The following PRXL2A variants were observed in gnomAD, a reference collection of about 807,000 sequenced individuals.
PRXL2A encodes peroxiredoxin like 2A.
PRXL2A carries 26 observed loss-of-function variants against 25.6 expected under a neutral mutation model. That is an observed-to-expected ratio of 1.02 (90% CI 0.74 to 1.41). The LOEUF (loss-of-function observed/expected upper bound fraction) is 1.41, where lower values mean the gene tolerates loss of function less well. Ranked by LOEUF, PRXL2A falls within the 40% of genes most tolerant of loss-of-function variation. The pLI is 0.00. For missense variants in PRXL2A, 246 were observed against 273.9 expected (o/e 0.90, Z 0.72); for synonymous variants, 98 against 102.9 (o/e 0.95, Z 0.29).
rs1361727483 is a variant in PRXL2A at position 80,432,000 on chromosome 10, G to T, written c.591G>T (p.Glu197Asp). The T allele has an allele frequency of 6.2e-7, 1 of 1,609,978 alleles. No individual in the cohort carries two copies. The highest frequency in any genetic ancestry group is 1.7e-5 in the Admixed American group (1 of 58,804). ...VGSGKQGILL[E>D]HREKEFGDKV... ...TTTCCTTTTAGGGCATTCTTCTTGA[G>T]CACCGAGAAAAAGAATTTGGAGACA... Residue 197 changes from glutamate to aspartate, a missense_variant, in exon 6 of 6, where the codon GAG (glutamate) becomes GAT (aspartate). Coordinates refer to ENST00000606162, the MANE Select transcript of PRXL2A (RefSeq NM_032333.5).
At chr10:80,413,733 TG>T in intron 1 of PRXL2A, 1 of 507,694 alleles carries the variant, frequency 2.0e-6, no homozygotes, top group Non-Finnish European at 2.6e-6. Flanking sequence ...GGTTTCTGGG[TG>T]GCCTGGTCCT....
chr10:80,415,565 CT>C (rs1222265783), intron 1 of PRXL2A, among the ~76,000 whole-genome samples: 1 of 152,248 alleles, frequency 6.6e-6, no homozygotes, highest in Non-Finnish European at 1.5e-5. Context: ...GCTGTTATTC[CT>C]GCACCACCAT....
intron 5 of PRXL2A, among the ~76,000 whole-genome samples, chr10:80,430,028 T>TA (rs1845194076): frequency 6.6e-6 from 1 of 152,120 alleles, no homozygotes; most frequent in Non-Finnish European, 1.5e-5. Context: ...CTTCAGGACT[T>TA]ACTTCAGTTC....
At chr10:80,427,643 A>G in intron 5 of PRXL2A, 147 bp downstream of exon 5, 1 of 725,956 alleles carries the variant, frequency 1.4e-6, no homozygotes, top group Non-Finnish European at 2.3e-6. Flanking sequence ...GAAGAAGGGA[A>G]GGGAAGGCAG....
chr10:80,409,050 C>T (rs1844368309), intron 1 of PRXL2A: 1 of 985,438 alleles, frequency 1.0e-6, no homozygotes, highest in Non-Finnish European at 1.2e-6. Context: ...CGGGGGCCGC[C>T]CTGCTGGACC....
intron 4 of PRXL2A, among the ~76,000 whole-genome samples, chr10:80,426,386 C>G (rs1845043820): frequency 6.6e-6 from 1 of 152,174 alleles, no homozygotes; most frequent in South Asian, 2.1e-4. Flanking sequence ...GATTGTGTTA[C>G]ATGATTTTAT....
At chr10:80,424,006 T>C (rs1301152018) in intron 3 of PRXL2A, among the ~76,000 whole-genome samples, 1 of 152,188 alleles carries the variant, frequency 6.6e-6, no homozygotes, top group Non-Finnish European at 1.5e-5. Context: ...AGCAACAGCA[T>C]GGAAGCCTGT....
At position 80,408,807 on chromosome 10, in the gene PRXL2A, A is replaced by T. The variant is rs139941129; in HGVS notation, c.-3+164A>T. Reference sequence around the variant, plus strand: ...CGCCAACTTTCTTAGGAGCCGCCGCAGCGCTGGCGCTCCCTCCGAGGACGA... The same window carrying T: ...CGCCAACTTTCTTAGGAGCCGCCGCTGCGCTGGCGCTCCCTCCGAGGACGA... On this transcript the variant is annotated intron_variant, in intron 1 of 5. Coordinates refer to ENST00000606162, the MANE Select transcript of PRXL2A (RefSeq NM_032333.5). 9.5e-3 allele frequency among the ~76,000 whole-genome samples: 1,447 copies of T among 152,240 alleles called. 29 individuals carry two copies. The highest frequency in any genetic ancestry group is 0.033 in the African/African-American group (1,375 of 41,550).
chr10:80,419,259 C>T (rs1844773026), intron 1 of PRXL2A, among the ~76,000 whole-genome samples: 1 of 151,592 alleles, frequency 6.6e-6, no homozygotes, highest in African/African-American at 2.4e-5. Flanking sequence ...GCTGGGATTA[C>T]AGGCATGACC....
At chr10:80,430,204 C>T (rs1317847537) in intron 5 of PRXL2A, among the ~76,000 whole-genome samples, 16 of 148,392 alleles carry the variant, frequency 1.1e-4, no homozygotes, top group African/African-American at 3.5e-4. Flanking sequence ...CGGGTTCAAG[C>T]GATTCTCCTG....
chr10:80,409,452 A>T (rs1413213150), intron 1 of PRXL2A, among the ~76,000 whole-genome samples: 3 of 152,200 alleles, frequency 2.0e-5, no homozygotes, highest in Non-Finnish European at 4.4e-5. Flanking sequence ...TCCTTGCCAC[A>T]TCATGCTGTC....
In PRXL2A at chr10:80,427,396, G is replaced by A. The variant is rs369356554; in HGVS notation, c.476G>A (p.Trp159Ter). ...MFMGFIRLGV[W>*]YNFFRAWNGG... is the part of the protein sequence containing the mutation. ...ATGGGATTTATCCGTCTGGGAGTGT[G>A]GTACAACTTCTTCCGAGCCTGGAAC... is the stretch of plus-strand genomic sequence containing the variant. The change falls in exon 5 of 6, where the codon TGG becomes TAG. Residue 159 changes from tryptophan to a stop codon, truncating the protein, a stop_gained. Coordinates refer to ENST00000606162, the MANE Select transcript of PRXL2A (RefSeq NM_032333.5). LOFTEE classifies it high-confidence loss of function. 2 of 1,613,968 alleles carry A rather than the reference G, an allele frequency of 1.2e-6. No homozygotes were observed. Among genetic ancestry groups the A allele is most frequent in the Non-Finnish European group, 1.7e-6 (2 of 1,180,010 alleles).
intron 1 of PRXL2A, among the ~76,000 whole-genome samples, chr10:80,412,418 A>G (rs936978382): frequency 6.6e-6 from 1 of 152,234 alleles, no homozygotes; most frequent in Non-Finnish European, 1.5e-5. Context: ...GTGGAATTCT[A>G]AGAGTAAAAT....
At chr10:80,421,697 G>A (rs1844870768) in intron 2 of PRXL2A, among the ~76,000 whole-genome samples, 1 of 151,288 alleles carries the variant, frequency 6.6e-6, no homozygotes, top group South Asian at 2.1e-4. Flanking sequence ...GGATCCCTCT[G>A]GGAAATACTA....
At chr10:80,411,484 G>C (rs1411503216) in intron 1 of PRXL2A, among the ~76,000 whole-genome samples, 4 of 152,234 alleles carry the variant, frequency 2.6e-5, no homozygotes, top group Non-Finnish European at 4.4e-5. Context: ...ACTGGCCCTT[G>C]GCTGGCTGCC....
intron 2 of PRXL2A, among the ~76,000 whole-genome samples, chr10:80,421,452 C>T (rs1299088216): frequency 6.6e-6 from 1 of 152,106 alleles, no homozygotes; most frequent in Non-Finnish European, 1.5e-5. Flanking sequence ...TGTTAGCCCC[C>T]CAGGTGGAAG....
At chr10:80,414,304 T>TA (rs1388264627) in intron 1 of PRXL2A, among the ~76,000 whole-genome samples, 2 of 152,088 alleles carry the variant, frequency 1.3e-5, no homozygotes, top group Non-Finnish European at 2.9e-5. Context: ...AACTGAATGC[T>TA]ATAGCTGTGT....
chr10:80,419,677 G>GA (rs939479494), intron 1 of PRXL2A, among the ~76,000 whole-genome samples: 1 of 152,144 alleles, frequency 6.6e-6, no homozygotes, highest in African/African-American at 2.4e-5. Context: ...GTTCACAGGA[G>GA]AAAAAAGTCA....
chr10:80,411,576 C>T (rs1844477383), intron 1 of PRXL2A, among the ~76,000 whole-genome samples: 1 of 152,260 alleles, frequency 6.6e-6, no homozygotes, highest in African/African-American at 2.4e-5. Context: ...AGTGCAGCCA[C>T]TGACAACCTG....
Sources: gnomAD v4.1 joint callset for allele counts (sites outside exome capture counted in the v4.1 genomes callset) on GRCh38, gnomAD v4.1.1 for gene constraint, MANE v1.5 for transcripts, NCBI Gene and HGNC (gene_info 2026-07-23, HGNC 2026-07-21) for gene names.